The following ICMT variants were observed in gnomAD, a reference collection of about 807,000 sequenced individuals.
The protein encoded by ICMT is isoprenylcysteine carboxyl methyltransferase, also known as protein-S-isoprenylcysteine O-methyltransferase.
Under a neutral mutation model 32.2 loss-of-function variants are expected in ICMT, and 10 were observed. That is an observed-to-expected ratio of 0.31 (90% CI 0.19 to 0.53). The LOEUF is 0.53. Among genes scored for constraint, ICMT ranks in the 20% least tolerant of loss-of-function variants. The pLI is 0.96. For missense variants in ICMT, 265 were observed against 356.9 expected, an observed-to-expected ratio of 0.74 and a Z score of 2.07; for synonymous variants, 183 against 158.2, an observed-to-expected ratio of 1.16 and a Z score of -1.18.
At chr1:6,226,519 A>C (rs941184787) in intron 4 of ICMT, among the ~76,000 whole-genome samples, 2 of 152,084 alleles carry the variant, frequency 1.3e-5, no homozygotes, top group Admixed American at 1.3e-4. Context: ...GTGGATGTGC[A>C]TCTTCCCCAA....
At chr1:6,227,124 A>G (rs914520098) in intron 4 of ICMT, among the ~76,000 whole-genome samples, 2 of 152,262 alleles carry the variant, frequency 1.3e-5, no homozygotes, top group African/African-American at 2.4e-5. Context: ...TGTAAGTATT[A>G]TATCAGGAAA....
intron 4 of ICMT, among the ~76,000 whole-genome samples, chr1:6,229,053 AAG>A (rs1186935563): frequency 7.2e-6 from 1 of 139,550 alleles, no homozygotes; most frequent in African/African-American, 2.7e-5. Flanking sequence ...AAGAAAGAAA[AAG>A]AAATACATGT....
At chr1:6,232,141 G>A (rs369899420) in intron 3 of ICMT, 22 bp from the exon 4 acceptor site, 172 of 1,578,788 alleles carry the variant, frequency 1.1e-4, no homozygotes, top group Non-Finnish European at 1.3e-4. Flanking sequence ...AGACATCAAC[G>A]ACACACGGGG....
intron 4 of ICMT, among the ~76,000 whole-genome samples, chr1:6,230,001 G>A (rs1391880003): frequency 2.0e-5 from 3 of 151,846 alleles, no homozygotes; most frequent in Non-Finnish European, 2.9e-5. Flanking sequence ...TCGACTAGCT[G>A]GAATTATAAG....
At position 6,233,470 on chromosome 1, in the gene ICMT, G is replaced by C. The variant is rs774715827; in HGVS notation, c.454+4C>G. ...CTCCAGAGGGGGACATAAGGCACAC[G>C]AACCTGGCCAAAAGATATTTTCAAG... is the stretch of plus-strand genomic sequence containing the variant. On this transcript the variant is annotated splice_donor_region_variant and intron_variant, in intron 3 of 4. Coordinates refer to ENST00000343813, the MANE Select transcript of ICMT (RefSeq NM_012405.4). 6.2e-7 allele frequency: 1 copy of C among 1,612,086 alleles called. No individual in the cohort carries two copies. The highest frequency in any genetic ancestry group is 8.5e-7 in the Non-Finnish European group (1 of 1,179,122).
intron 4 of ICMT, among the ~76,000 whole-genome samples, chr1:6,227,782 G>A (rs1183406941): frequency 6.6e-6 from 1 of 152,184 alleles, no homozygotes; most frequent in Non-Finnish European, 1.5e-5. Flanking sequence ...CGTGAACCCA[G>A]GAGGCGGAGC....
At position 6,234,894 on chromosome 1, in the gene ICMT, G is replaced by A; in HGVS notation, c.276C>T (p.His92=). ...TCCGAAGGAATTCTTACCAGCCAAA[G>A]TGACTCCAAGAAGACTGGCTAAAAC... The part of the protein sequence containing the change: ...LLSFSQSSWS[H]FGWYMCSLSL... Residue 92 remains histidine (H), a synonymous_variant, in exon 2 of 5, where the codon CAC becomes CAT. Coordinates refer to ENST00000343813, the MANE Select transcript of ICMT (RefSeq NM_012405.4). 6.2e-7 allele frequency: 1 copy of A among 1,612,970 alleles called. No homozygotes were observed. Among genetic ancestry groups the A allele is most frequent in the Non-Finnish European group, 8.5e-7 (1 of 1,179,026 alleles).
chr1:6,224,961 AAG>A lies in ICMT; in HGVS notation c.*117_*118del, dbSNP rs1668621709. 2 of 936,710 alleles carry A rather than the reference AAG, an allele frequency of 2.1e-6. No homozygotes were observed. The highest frequency in any genetic ancestry group is 3.3e-6 in the Non-Finnish European group (2 of 614,128). The allele number at this position is 936,710 out of a possible 1,614,324, so 58.0% of individuals were successfully genotyped here. A position where few individuals can be genotyped will look rare whatever the true frequency, so the allele number is the denominator to read the frequency against. ...CGCTTGGTCTTGAGTGACATTCCAGAAGAGTGACTAATGACATAAAACGATTA... is the reference window on the plus strand; with the variant it reads ...CGCTTGGTCTTGAGTGACATTCCAGAAGTGACTAATGACATAAAACGATTA... On this transcript the variant is annotated 3_prime_UTR_variant, in exon 5 of 5. Transcript: ENST00000343813.
chr1:6,229,211 G>A lies in ICMT; in HGVS notation c.672+2691C>T, dbSNP rs1434799396. Among the ~76,000 whole-genome samples the A allele has an allele frequency of 1.3e-5, 2 of 152,100 alleles. 1 individual carries two copies. Among genetic ancestry groups the A allele is most frequent in the African/African-American group, 4.8e-5 (2 of 41,408 alleles). Reference sequence around the variant, plus strand: ...AATTAGCCAGGGGCTGGGCATGGTGGCTCATGTCTGTAATCCCAACGCTTT... The same window carrying A: ...AATTAGCCAGGGGCTGGGCATGGTGACTCATGTCTGTAATCCCAACGCTTT... On this transcript the variant is annotated intron_variant, in intron 4 of 4. Transcript: ENST00000343813.
At position 6,235,879 on chromosome 1, in the gene ICMT, G is replaced by A. The variant is rs1287105657; in HGVS notation, c.33C>T (p.Gly11=). 1.8e-6 allele frequency: 2 copies of A among 1,138,444 alleles called. No homozygotes were observed. Among genetic ancestry groups the A allele is most frequent in the African/African-American group, 1.7e-5 (1 of 58,768 alleles). 70.5% of individuals were successfully genotyped at this position (1,138,444 alleles called of 1,614,324 possible). The change falls in exon 1 of 5, where the codon GGC becomes GGT. Residue 11 remains glycine (G), a synonymous_variant. Coordinates refer to ENST00000343813, the MANE Select transcript of ICMT (RefSeq NM_012405.4). MAGCAARAPP[G]SEARLSLATF... ...TGGCGAGGCTGAGACGCGCCTCAGAGCCCGGCGGAGCCCGCGCCGCGCAGC... is the reference window on the plus strand; with the variant it reads ...TGGCGAGGCTGAGACGCGCCTCAGAACCCGGCGGAGCCCGCGCCGCGCAGC...
intron 4 of ICMT, among the ~76,000 whole-genome samples, 173 bp downstream of exon 4, chr1:6,231,729 C>T (rs756428321): frequency 2.6e-5 from 4 of 151,906 alleles, no homozygotes; most frequent in South Asian, 2.1e-4. Context: ...ACTTGAAACG[C>T]GCCAAGAAGA....
chr1:6,230,882 G>C (rs1668724541), intron 4 of ICMT, among the ~76,000 whole-genome samples: 1 of 144,100 alleles, frequency 6.9e-6, no homozygotes, highest in Non-Finnish European at 1.5e-5. Context: ...GGGCAACAGA[G>C]TGAGACTCCA....
chr1:6,233,379 G>A, intron 3 of ICMT, 95 bp downstream of exon 3: 1 of 1,143,562 alleles, frequency 8.7e-7, no homozygotes. Flanking sequence ...TCGCTTGGGG[G>A]AGATTAGACC....
intron 4 of ICMT, among the ~76,000 whole-genome samples, chr1:6,230,248 G>T (rs1379887329): frequency 6.6e-6 from 1 of 152,146 alleles, no homozygotes; most frequent in Non-Finnish European, 1.5e-5. Context: ...CCGAGTAGCT[G>T]AGACTATAGG....
In ICMT at chr1:6,222,876, C is replaced by T. The variant is rs1393103601; in HGVS notation, c.*2204G>A. ...GGATGCCAGAATCTAACTACATCCT[C>T]TCCCGGTTTGCAGTTCTAGGAAGTG... is the stretch of plus-strand genomic sequence containing the variant. On this transcript the variant is annotated 3_prime_UTR_variant, in exon 5 of 5. Transcript: ENST00000343813. The T allele has an allele frequency of 2.6e-5, 4 of 152,268 alleles. No homozygotes were observed. The highest frequency in any genetic ancestry group is 7.2e-5 in the African/African-American group (3 of 41,468). The allele number at this position is 152,268 out of a possible 1,614,324, so 9.4% of individuals were successfully genotyped here.
At chr1:6,226,086 C>A (rs1173219324) in intron 4 of ICMT, among the ~76,000 whole-genome samples, 1 of 152,126 alleles carries the variant, frequency 6.6e-6, no homozygotes, top group Non-Finnish European at 1.5e-5. Flanking sequence ...AACTCCTGGC[C>A]CTTTCTTCCA....
intron 4 of ICMT, among the ~76,000 whole-genome samples, chr1:6,225,518 C>T (rs1668632910): frequency 6.6e-6 from 1 of 152,144 alleles, no homozygotes; most frequent in Non-Finnish European, 1.5e-5. Flanking sequence ...TTTCAACCCT[C>T]AGCTTGGGGT....
At chr1:6,225,340 T>G (rs375108654) in intron 4 of ICMT, 78 bp from the exon 5 acceptor site, 1 of 1,366,166 alleles carries the variant, frequency 7.3e-7, no homozygotes, top group Non-Finnish European at 1.0e-6. Flanking sequence ...CTGTCTCTAA[T>G]ACCCAGAGGA....
In ICMT at chr1:6,235,943, G is replaced by T. The variant is rs1668822578; in HGVS notation, c.-32C>A. 9.3e-7 allele frequency: 1 copy of T among 1,070,878 alleles called. No homozygotes were observed. The highest frequency in any genetic ancestry group is 1.1e-6 in the Non-Finnish European group (1 of 879,384). The allele number at this position is 1,070,878 out of a possible 1,614,324, so 66.3% of individuals were successfully genotyped here. ...GGGCGGCGGACTAGCGGGCGGCGGC[G>T]CCGGCTGTAGCCCGGAGAAACGCGC... is the stretch of plus-strand genomic sequence containing the variant. On this transcript the variant is annotated 5_prime_UTR_variant, in exon 1 of 5. Transcript: ENST00000343813.
Sources: allele counts gnomAD v4.1 joint callset (sites outside exome capture counted in the v4.1 genomes callset), GRCh38; gene constraint gnomAD v4.1.1; transcripts MANE v1.5; gene names NCBI Gene and HGNC (gene_info 2026-07-23, HGNC 2026-07-21).